Variants in ARHGEF25 observed in about 807,000 individuals in gnomAD.
ARHGEF25 encodes RAC/CDC42 exchange factor.
Under a neutral mutation model 74.0 loss-of-function variants are expected in ARHGEF25, and 42 were observed. The ratio of observed to expected loss-of-function variants is 0.57; its 90% CI spans 0.44 to 0.73. The LOEUF is 0.73. Ranked by LOEUF, ARHGEF25 falls within the 30% of genes least tolerant of loss-of-function variation. ARHGEF25 has a pLI of 0.00. For synonymous variants in ARHGEF25, 293 were observed against 278.6 expected (o/e 1.05, Z -0.51); for missense variants, 645 against 725.5 (o/e 0.89, Z 1.27).
Position 57,616,961 on chromosome 12 carries a change from T to A in ARHGEF25, c.*67T>A. On this transcript the variant is annotated 3_prime_UTR_variant, in exon 15 of 15. Coordinates refer to ENST00000286494, the MANE Select transcript of ARHGEF25 (RefSeq NM_182947.4). ...TCCCCAAGGAGCTTCAGGGCAGTCC[T>A]TCTGGCACTGCTCCAGAATTCCTCC... 2 of 1,211,704 alleles carry A rather than the reference T, an allele frequency of 1.7e-6. No individual in the cohort carries two copies. The highest frequency in any genetic ancestry group is 2.4e-6 in the Non-Finnish European group (2 of 825,926). 75.1% of individuals were successfully genotyped at this position (1,211,704 alleles called of 1,614,324 possible).
In ARHGEF25 at chr12:57,614,959, T is replaced by A. The variant is rs1326361128; in HGVS notation, c.910-8T>A. On this transcript the variant is annotated splice_region_variant and splice_polypyrimidine_tract_variant and intron_variant, in intron 9 of 14. Transcript: ENST00000286494. The surrounding 1 kb of genome is among the most constrained non-coding windows in gnomAD (Gnocchi z 4.6). ...GACCTCCCTGAGCATTTCTTCTCTC[T>A]GTCTTAGGATTTTCTCAAGTATTAC... The A allele has an allele frequency of 1.9e-6, 3 of 1,613,942 alleles. No homozygotes were observed. The highest frequency in any genetic ancestry group is 2.5e-6 in the Non-Finnish European group (3 of 1,179,972).
Position 57,614,498 on chromosome 12 carries a change from A to G in ARHGEF25, c.727-18A>G, listed in dbSNP as rs199719343. On this transcript the variant is annotated intron_variant, in intron 7 of 14. Coordinates refer to ENST00000286494, the MANE Select transcript of ARHGEF25 (RefSeq NM_182947.4). This position sits in a 1 kb window ranked among gnomAD's most constrained non-coding sequence, Gnocchi z 4.6. ...CTCCTTGCCCACCCTGCTCTCTCTT[A>G]AACATTACCCCTGTTAGGAGCGCCG... 6.2e-7 allele frequency: 1 copy of G among 1,613,998 alleles called. No homozygotes were observed. The highest frequency in any genetic ancestry group is 1.3e-5 in the African/African-American group (1 of 74,982).
In ARHGEF25 at chr12:57,611,901, G is replaced by A. The variant is rs539901025; in HGVS notation, c.7G>A (p.Gly3Arg). ...GCGGGGGGGCCCGGGCGCCATGCGG[G>A]GGGGGCACAAAGGGGGTCGCTGTGC... MR[G>R]GHKGGRCACP... Residue 3 changes from glycine to arginine, a missense_variant, in exon 1 of 15, where the codon GGG becomes AGG. By Grantham distance (125) the Gly-to-Arg change is moderately radical. This residue lies in a region of ARHGEF25 where 189 missense variants were observed against 199.1 expected (regional missense o/e 0.95). Transcript: ENST00000286494. The surrounding 1 kb of genome is among the most constrained non-coding windows in gnomAD (Gnocchi z 4.5). 1.7e-5 allele frequency: 22 copies of A among 1,259,192 alleles called. No individual in the cohort carries two copies. Among genetic ancestry groups the A allele is most frequent in the South Asian group, 6.9e-5 (2 of 29,056 alleles). The allele number at this position is 1,259,192 out of a possible 1,614,324, so 78.0% of individuals were successfully genotyped here.
chr12:57,611,776 C>T lies in ARHGEF25; in HGVS notation c.-119C>T. 1 of 1,143,138 alleles carries T rather than the reference C, an allele frequency of 8.7e-7. No homozygotes were observed. 70.8% of individuals were successfully genotyped at this position (1,143,138 alleles called of 1,614,324 possible). ...CGGTCCCCTCCCTCCCCCCCTCCCA[C>T]AGCCTGGACCGGGGTAGGAGGGAGG... On this transcript the variant is annotated 5_prime_UTR_variant, in exon 1 of 15. Coordinates refer to ENST00000286494, the MANE Select transcript of ARHGEF25 (RefSeq NM_182947.4). The surrounding 1 kb of genome is among the most constrained non-coding windows in gnomAD (Gnocchi z 4.5).
Position 57,613,422 on chromosome 12 carries a change from G to A in ARHGEF25, c.409-18G>A. 6.2e-7 allele frequency: 1 copy of A among 1,614,186 alleles called. No homozygotes were observed. Among genetic ancestry groups the A allele is most frequent in the Non-Finnish European group, 8.5e-7 (1 of 1,180,036 alleles). On this transcript the variant is annotated intron_variant, in intron 3 of 14. Transcript: ENST00000286494. ...AGGGGCATTCGTTTGCTCACCCTAG[G>A]ATGTTCTTTCCTTCCAGCCACCTGA...
At position 57,615,033 on chromosome 12, in the gene ARHGEF25, C is replaced by A. The variant is rs1884222554; in HGVS notation, c.960+16C>A. On this transcript the variant is annotated intron_variant, in intron 10 of 14. Coordinates refer to ENST00000286494, the MANE Select transcript of ARHGEF25 (RefSeq NM_182947.4). ...AGACCTAGAGGTGAGGACCCCAGAT[C>A]TTCCAGGACACACCATGTGCTCCTT... The A allele has an allele frequency of 6.2e-7, 1 of 1,613,634 alleles. No homozygotes were observed.
At chr12:57,610,350 T>C (rs759017993), upstream of ARHGEF25, 3 of 1,394,656 alleles carry the variant, frequency 2.2e-6, no homozygotes, top group Non-Finnish European at 2.9e-6. Flanking sequence ...GTCGGGGGTC[T>C]TTCGGGGCCT....
chr12:57,616,186 C>G, intron 13 of ARHGEF25, 98 bp from the exon 14 acceptor site: 2 of 1,464,486 alleles, frequency 1.4e-6, no homozygotes, highest in Non-Finnish European at 1.8e-6. Flanking sequence ...TTGACATTGG[C>G]TGACAGGGAG....
At position 57,614,919 on chromosome 12, in the gene ARHGEF25, T is replaced by G. The variant is rs767760993; in HGVS notation, c.910-48T>G. ...CCTCAGGGGAGGATGTGAGAGCTTCTAAGGGTGTCCTCGTGACCTCCCTGA... is the reference window on the plus strand; with the variant it reads ...CCTCAGGGGAGGATGTGAGAGCTTCGAAGGGTGTCCTCGTGACCTCCCTGA... On this transcript the variant is annotated intron_variant, in intron 9 of 14. Coordinates refer to ENST00000286494, the MANE Select transcript of ARHGEF25 (RefSeq NM_182947.4). This position sits in a 1 kb window ranked among gnomAD's most constrained non-coding sequence, Gnocchi z 4.6. 5.0e-5 allele frequency: 80 copies of G among 1,606,506 alleles called. No individual in the cohort carries two copies. Among genetic ancestry groups the G allele is most frequent in the Non-Finnish European group, 6.4e-5 (75 of 1,174,140 alleles).
intron 11 of ARHGEF25, 82 bp downstream of exon 11, chr12:57,615,396 G>A (rs1418785078): frequency 3.2e-6 from 5 of 1,581,890 alleles, no homozygotes; most frequent in African/African-American, 1.4e-5. Context: ...ATGGGGAGTT[G>A]TCTTCTCCTG....
chr12:57,610,630 GGA>G, upstream of ARHGEF25: 1 of 1,612,350 alleles, frequency 6.2e-7, no homozygotes, highest in Non-Finnish European at 8.5e-7. Flanking sequence ...ACGTACGGAG[GGA>G]GATCACAGAA....
At chr12:57,613,945 T>C (rs916646345) in intron 5 of ARHGEF25, 71 bp from the exon 6 acceptor site, 2 of 1,531,866 alleles carry the variant, frequency 1.3e-6, no homozygotes, top group Non-Finnish European at 1.8e-6. Context: ...CCTGGATTTG[T>C]GTACAGGAGC....
rs544973692 is a variant in ARHGEF25, at chr12:57,613,443, C to T, written c.412C>T (p.Pro138Ser). ...CTAGGATGTTCTTTCCTTCCAGCCA[C>T]CTGAAGAGGAGACTTTGTCCCAAGC... ...LEGPGDKTQP[P>S]EEETLSQAPE... is the part of the protein sequence containing the mutation. Residue 138 changes from proline (P) to serine (S), a missense_variant, in exon 4 of 15, where the codon CCT (proline) becomes TCT (serine). By Grantham distance (74) the Pro-to-Ser change is moderately conservative. Transcript: ENST00000286494. The T allele has an allele frequency of 2.8e-5, 46 of 1,614,050 alleles. No homozygotes were observed. Among genetic ancestry groups the T allele is most frequent in the Non-Finnish European group, 3.6e-5 (42 of 1,180,050 alleles).
upstream of ARHGEF25, chr12:57,610,251 C>T (rs1308653933): frequency 9.4e-6 from 15 of 1,601,704 alleles, no homozygotes; most frequent in Non-Finnish European, 1.3e-5. Context: ...CCTGGCCGCA[C>T]TGACCGGATA....
chr12:57,613,841 C>T, intron 5 of ARHGEF25, 81 bp downstream of exon 5: 2 of 1,552,588 alleles, frequency 1.3e-6, no homozygotes, highest in Non-Finnish European at 1.8e-6. Context: ...TGCCTGGGCG[C>T]TCCTCTGTCC....
chr12:57,613,393 C>T, intron 3 of ARHGEF25, 34 bp downstream of exon 3: 1 of 1,614,198 alleles, frequency 6.2e-7, no homozygotes. Flanking sequence ...GCTCCTTTCA[C>T]TCAAGGGGCA....
rs1704874469 is a variant in ARHGEF25, at chr12:57,612,659, T to C, written c.98-271T>C. 4.8e-6 allele frequency: 6 copies of C among 1,245,750 alleles called. No individual in the cohort carries two copies. In the Admixed American group the frequency reaches 2.1e-4, roughly 44 times the overall value. 77.2% of individuals were successfully genotyped at this position (1,245,750 alleles called of 1,614,324 possible). ...GCCCAGATGGCTGCCCCCACCCCCA[T>C]ATCTATGCTATGCTCAGGATATGGG... On this transcript the variant is annotated intron_variant, in intron 1 of 14. Transcript: ENST00000286494.
At position 57,615,841 on chromosome 12, in the gene ARHGEF25, G is replaced by T; in HGVS notation, c.1244G>T (p.Ser415Ile). 6.2e-7 allele frequency: 1 copy of T among 1,613,598 alleles called. No individual in the cohort carries two copies. Among genetic ancestry groups the T allele is most frequent in the Non-Finnish European group, 8.5e-7 (1 of 1,179,732 alleles). Residue 415 changes from serine (S) to isoleucine (I), a missense_variant, in exon 13 of 15, where the codon AGC (serine) becomes ATC (isoleucine). Ser to Ile is a moderately radical substitution (Grantham distance 142). Transcript: ENST00000286494. ...GTCTCCTATCTGCCAATTCAGGTGA[G>T]CTGCCTGGGACTGGAGGGGAACCTC... ...GYVYKNSIKV[S>I]CLGLEGNLQG...
At chr12:57,612,089 C>A in intron 1 of ARHGEF25, 98 bp downstream of exon 1, 1 of 973,536 alleles carries the variant, frequency 1.0e-6, no homozygotes, top group Non-Finnish European at 1.4e-6. Flanking sequence ...GGGTTGGAGA[C>A]TGTATGTGTT....
Sources: gnomAD v4.1 joint callset for allele counts on GRCh38, gnomAD v4.1.1 for gene constraint, gnomAD v4.1.1 regional missense constraint, Gnocchi (gnomAD v3.1) non-coding constraint, MANE v1.5 for transcripts, NCBI Gene and HGNC (gene_info 2026-07-23, HGNC 2026-07-21) for gene names.